The following MCC variants were observed in gnomAD, a reference collection of about 807,000 sequenced individuals.
MCC encodes colorectal mutant cancer protein.
Under a neutral mutation model 116.2 loss-of-function variants are expected in MCC, and 90 were observed. The observed-to-expected ratio is 0.77, with a 90% CI of 0.65 to 0.92. MCC has a LOEUF of 0.92. Ranked by LOEUF, MCC falls within the 40% of genes least tolerant of loss-of-function variation. MCC has a pLI of 0.00. For synonymous variants in MCC, 578 were observed against 510.5 expected (o/e 1.13, Z -1.78); for missense variants, 1,516 against 1,312.2 (o/e 1.16, Z -2.40).
intron 4 of MCC, among the ~76,000 whole-genome samples, chr5:113,150,335 T>C (rs1267240813): frequency 6.6e-6 from 1 of 152,170 alleles, no homozygotes; most frequent in Non-Finnish European, 1.5e-5. Context: ...AGAAAAATAC[T>C]GACGTCAAAT....
intron 1 of MCC, among the ~76,000 whole-genome samples, chr5:113,484,942 C>G (rs1772475656): frequency 6.6e-6 from 1 of 152,178 alleles, no homozygotes; most frequent in Non-Finnish European, 1.5e-5. Flanking sequence ...TTACGGTGGT[C>G]TCACTCTGCT....
At chr5:113,260,543 C>T (rs1765184651) in intron 3 of MCC, among the ~76,000 whole-genome samples, 1 of 152,112 alleles carries the variant, frequency 6.6e-6, no homozygotes, top group South Asian at 2.1e-4. Flanking sequence ...TTCTTTCGTA[C>T]TTTCCCCAAA....
Position 113,023,830 on chromosome 5 carries a change from G to GTGAT in MCC, c.*3468_*3471dup, listed in dbSNP as rs745634424. On this transcript the variant is annotated 3_prime_UTR_variant, in exon 19 of 19. Coordinates refer to ENST00000408903, the MANE Select transcript of MCC (RefSeq NM_001085377.2). ...TAAGGTTGACTGATAGACTTAAAAA[G>GTGAT]TGATTGCTTTATAATTCTCGTGGGC... 1.8e-4 allele frequency: 28 copies of GTGAT among 152,292 alleles called. No homozygotes were observed. Among genetic ancestry groups the GTGAT allele is most frequent in the African/African-American group, 3.6e-4 (15 of 41,562 alleles). The allele number at this position is 152,292 out of a possible 1,614,324, so 9.4% of individuals were successfully genotyped here.
intron 1 of MCC, among the ~76,000 whole-genome samples, chr5:113,452,957 G>A (rs768607800): frequency 3.3e-5 from 5 of 152,150 alleles, no homozygotes; most frequent in Non-Finnish European, 5.9e-5. Context: ...TTAATAATTA[G>A]CCTAAAGCAA....
chr5:113,143,799 T>C (rs1759333923), intron 4 of MCC, among the ~76,000 whole-genome samples: 1 of 152,232 alleles, frequency 6.6e-6, no homozygotes, highest in Admixed American at 6.5e-5. Flanking sequence ...TCCTGCTACC[T>C]ACAGCTCCCT....
chr5:113,225,572 T>C (rs557290449), intron 3 of MCC, among the ~76,000 whole-genome samples: 84 of 152,304 alleles, frequency 5.5e-4, no homozygotes, highest in South Asian at 4.3e-3. Flanking sequence ...CAGCCTGAAC[T>C]TAAAGAGTAC....
intron 2 of MCC, among the ~76,000 whole-genome samples, chr5:113,384,161 A>G (rs1769190868): frequency 6.6e-6 from 1 of 152,220 alleles, no homozygotes; most frequent in Non-Finnish European, 1.5e-5. Flanking sequence ...CCATGTTCCC[A>G]TCACCCAATT....
At chr5:113,066,014 A>G (rs143386378) in intron 13 of MCC, among the ~76,000 whole-genome samples, 1 of 152,292 alleles carries the variant, frequency 6.6e-6, no homozygotes, top group Non-Finnish European at 1.5e-5. Flanking sequence ...CAAATAAGAC[A>G]TTTTACATAC....
chr5:113,472,908 A>C (rs1772131931), intron 1 of MCC, among the ~76,000 whole-genome samples: 1 of 152,188 alleles, frequency 6.6e-6, no homozygotes, highest in South Asian at 2.1e-4. Context: ...TTTTGTCTTA[A>C]GGTAGTATTA....
intron 3 of MCC, among the ~76,000 whole-genome samples, chr5:113,162,586 T>A (rs1326208927): frequency 6.6e-6 from 1 of 151,942 alleles, no homozygotes; most frequent in Non-Finnish European, 1.5e-5. Flanking sequence ...AGCCTCGAAA[T>A]CCCAGGCTCA....
rs145797979 is a variant in MCC at position 113,167,460 on chromosome 5, A to G, written c.628-16038T>C. Among the ~76,000 whole-genome samples, 395 of 152,338 alleles carry G rather than the reference A, an allele frequency of 2.6e-3. 1 individual carries two copies. The highest frequency in any genetic ancestry group is 9.3e-3 in the African/African-American group (388 of 41,578). ...GAAATTTATTTAAAGTGATTGATAC[A>G]TAAAGGAACAGCTTCCTCATCCCCA... On this transcript the variant is annotated intron_variant, in intron 3 of 18. Transcript: ENST00000408903.
At chr5:113,397,246 C>T (rs1387100516) in intron 1 of MCC, among the ~76,000 whole-genome samples, 1 of 152,168 alleles carries the variant, frequency 6.6e-6, no homozygotes, top group African/African-American at 2.4e-5. Context: ...GCTCCTCCCA[C>T]TGTCTTAAAG....
At chr5:113,042,345 T>C (rs2150214707) in intron 17 of MCC, among the ~76,000 whole-genome samples, 1 of 145,106 alleles carries the variant, frequency 6.9e-6, no homozygotes, top group South Asian at 2.2e-4. Flanking sequence ...TGTGGGGGCA[T>C]GCACCTGTGG....
chr5:113,231,020 G>A (rs1763921179), intron 3 of MCC, among the ~76,000 whole-genome samples: 2 of 152,050 alleles, frequency 1.3e-5, no homozygotes, highest in African/African-American at 4.8e-5. Context: ...CTGATATACT[G>A]CAGTCAAAAA....
At chr5:113,255,183 AAAAAT>A (rs1476144704) in intron 3 of MCC, among the ~76,000 whole-genome samples, 4 of 152,162 alleles carry the variant, frequency 2.6e-5, no homozygotes, top group Non-Finnish European at 5.9e-5. Flanking sequence ...ACAAACAAAC[AAAAAT>A]AAGAGCTATT....
intron 3 of MCC, among the ~76,000 whole-genome samples, chr5:113,262,387 T>C (rs1581334892): frequency 6.6e-6 from 1 of 152,158 alleles, no homozygotes; most frequent in African/African-American, 2.4e-5. Flanking sequence ...TCTGGTCTAA[T>C]AATTATTTAT....
At chr5:113,440,527 A>G (rs932727142) in intron 1 of MCC, among the ~76,000 whole-genome samples, 1 of 152,110 alleles carries the variant, frequency 6.6e-6, no homozygotes, top group Non-Finnish European at 1.5e-5. Flanking sequence ...ACAATGCTCT[A>G]TAGGTACTCA....
chr5:113,448,825 T>C (rs565980377), intron 1 of MCC, among the ~76,000 whole-genome samples: 1 of 152,362 alleles, frequency 6.6e-6, no homozygotes, highest in South Asian at 2.1e-4. Flanking sequence ...GGAAAATCAT[T>C]CAAGACATCT....
chr5:113,260,740 C>T lies in MCC; in HGVS notation c.627+79779G>A, dbSNP rs539800424. Among the ~76,000 whole-genome samples, 6 of 147,728 alleles carry T rather than the reference C, an allele frequency of 4.1e-5. No homozygotes were observed. The East Asian group carries it at 1.2e-3, about 29-fold the overall frequency. On this transcript the variant is annotated intron_variant, in intron 3 of 18. Transcript: ENST00000408903. ...AGCTTTTTTTTTTGAAATGCCTACA[C>T]ATTTTTTTTTAGAAAATATCCCCCG...
Sources: allele counts gnomAD v4.1 joint callset (sites outside exome capture counted in the v4.1 genomes callset), GRCh38; gene constraint gnomAD v4.1.1; transcripts MANE v1.5; gene names NCBI Gene and HGNC (gene_info 2026-07-23, HGNC 2026-07-21).